The following RBFOX1 variants were observed in gnomAD, a reference collection of about 807,000 sequenced individuals.
The protein encoded by RBFOX1 is RNA binding protein fox-1 homolog 1.
A neutral mutation model predicts 57.7 loss-of-function variants in RBFOX1; 8 were observed. The observed-to-expected ratio is 0.14, with a 90% CI of 0.08 to 0.25. RBFOX1 has a LOEUF of 0.25. RBFOX1 is among the 10% of genes least tolerant of loss of function. The pLI, the probability that RBFOX1 is intolerant of heterozygous loss-of-function variation, is 1.00. For missense variants in RBFOX1, 611 were observed against 548.5 expected (o/e 1.11, Z -1.14); for synonymous variants, 326 against 222.4 (o/e 1.47, Z -4.15).
At chr16:6,419,823 G>A (rs528741988) in intron 2 of RBFOX1, among the ~76,000 whole-genome samples, 6 of 152,136 alleles carry the variant, frequency 3.9e-5, no homozygotes, top group Non-Finnish European at 7.4e-5. Flanking sequence ...CAAGCTGTGC[G>A]GGGTATAGGC....
intron 3 of RBFOX1, among the ~76,000 whole-genome samples, chr16:6,867,288 A>C (rs1010508728): frequency 6.6e-6 from 1 of 151,770 alleles, no homozygotes; most frequent in Non-Finnish European, 1.5e-5. Context: ...TGGAGGAGAG[A>C]TCCATCCATA....
At chr16:6,082,775 C>T (rs893590748) in intron 1 of RBFOX1, among the ~76,000 whole-genome samples, 4 of 152,136 alleles carry the variant, frequency 2.6e-5, no homozygotes, top group Non-Finnish European at 5.9e-5. Flanking sequence ...AGAGAATACC[C>T]TGAGGATATC....
intron 2 of RBFOX1, among the ~76,000 whole-genome samples, chr16:6,407,930 A>G (rs981749366): frequency 2.3e-4 from 35 of 152,152 alleles, no homozygotes; most frequent in Non-Finnish European, 3.8e-4. Context: ...GATTCTCAGC[A>G]CAATAGTATT....
At chr16:5,458,635 G>A (rs779416552) in intron 1 of RBFOX1, among the ~76,000 whole-genome samples, 1 of 152,232 alleles carries the variant, frequency 6.6e-6, no homozygotes, top group Non-Finnish European at 1.5e-5. Context: ...ACCCTCTACT[G>A]CTCTTGAAGG....
intron 4 of RBFOX1, among the ~76,000 whole-genome samples, chr16:5,929,845 A>C (rs959125641): frequency 2.1e-5 from 3 of 143,386 alleles, no homozygotes; most frequent in African/African-American, 7.6e-5. Flanking sequence ...GAAGGTAAGT[A>C]GGTACAAACA....
intron 3 of RBFOX1, among the ~76,000 whole-genome samples, chr16:5,676,824 T>C (rs1819555725): frequency 6.6e-6 from 1 of 152,054 alleles, no homozygotes; most frequent in South Asian, 2.1e-4. Context: ...ATTGTACCAC[T>C]GTATTCCAGC....
In RBFOX1 at chr16:5,787,355, A is replaced by G. The variant is rs534628498; in HGVS notation, c.319-79948A>G. 1.8e-3 allele frequency among the ~76,000 whole-genome samples: 278 copies of G among 152,292 alleles called. 2 individuals are homozygous for G. The highest frequency in any genetic ancestry group is 6.5e-3 in the African/African-American group (269 of 41,570). On this transcript the variant is annotated intron_variant, in intron 3 of 19. Transcript: ENST00000641259. ...TCACAGTGAATTAGACAGAAGACCA[A>G]TGATGTTTCCTGGCAATGAAGTGAA... is the stretch of plus-strand genomic sequence containing the variant.
chr16:5,999,277 A>G (rs1189367236), intron 4 of RBFOX1, among the ~76,000 whole-genome samples: 1 of 152,156 alleles, frequency 6.6e-6, no homozygotes, highest in Non-Finnish European at 1.5e-5. Context: ...CTGACTGCCT[A>G]GAATTCCCCC....
intron 2 of RBFOX1, among the ~76,000 whole-genome samples, chr16:6,487,760 A>G (rs1459886100): frequency 2.5e-5 from 3 of 120,896 alleles, no homozygotes; most frequent in Non-Finnish European, 5.0e-5. Flanking sequence ...TATATAAAAT[A>G]TTATGCAGTG....
chr16:6,773,918 G>A (rs939915431), intron 3 of RBFOX1: 23 of 983,356 alleles, frequency 2.3e-5, no homozygotes, highest in Non-Finnish European at 2.8e-5. Context: ...TTTGCGTTGC[G>A]GGGGTGTGGA....
At chr16:5,994,821 G>T (rs192159766) in intron 4 of RBFOX1, among the ~76,000 whole-genome samples, 1 of 152,254 alleles carries the variant, frequency 6.6e-6, no homozygotes, top group East Asian at 1.9e-4. Flanking sequence ...CTATATTTCA[G>T]GGCCTAGCAA....
At chr16:5,936,779 A>G (rs1222062838) in intron 4 of RBFOX1, among the ~76,000 whole-genome samples, 2 of 152,152 alleles carry the variant, frequency 1.3e-5, no homozygotes, top group East Asian at 1.9e-4. Context: ...ACAAGGGTCA[A>G]TTGTTTCTGC....
chr16:5,650,498 G>C (rs2049200454), intron 3 of RBFOX1, among the ~76,000 whole-genome samples: 1 of 152,176 alleles, frequency 6.6e-6, no homozygotes, highest in African/African-American at 2.4e-5. Context: ...TATTAAACGG[G>C]AGTGTGATTA....
Position 5,254,968 on chromosome 16 carries a change from A to G in RBFOX1, c.219+14863A>G, listed in dbSNP as rs148419331. ...AGTCTTGATAAGCATCCTCAATGTG[A>G]TGGAGGGATTAAGGAACCCCTGGCT... On this transcript the variant is annotated intron_variant, in intron 1 of 2. Transcript: ENST00000585867. Among the ~76,000 whole-genome samples, 686 of 152,268 alleles carry G rather than the reference A, an allele frequency of 4.5e-3. 7 individuals carry two copies. Among genetic ancestry groups the G allele is most frequent in the African/African-American group, 0.015 (644 of 41,554 alleles).
In RBFOX1 at chr16:5,289,823, CT is replaced by C. The variant is rs369932227; in HGVS notation, c.219+49720del. The stretch of plus-strand genomic sequence containing the variant: ...GCTTTCTTTCTTACACAGTGTGGCA[CT>C]TCTTCAAAAGCTTAAACACAGAGTT... On this transcript the variant is annotated intron_variant, in intron 1 of 2. Transcript: ENST00000585867. 6.2e-3 allele frequency among the ~76,000 whole-genome samples: 938 copies of C among 152,318 alleles called. 9 individuals are homozygous for C. Among genetic ancestry groups the C allele is most frequent in the African/African-American group, 0.022 (896 of 41,564 alleles).
In RBFOX1 at chr16:7,071,974, C is replaced by A. The variant is rs138835505; in HGVS notation, c.27+19876C>A. ...TTTAGATTTGTGATTCCTAATATCTCTTAAGTCTATGAATTCCTCTCAAAA... is the reference window on the plus strand; with the variant it reads ...TTTAGATTTGTGATTCCTAATATCTATTAAGTCTATGAATTCCTCTCAAAA... On this transcript the variant is annotated intron_variant, in intron 4 of 15. Transcript: ENST00000550418. Among the ~76,000 whole-genome samples the A allele has an allele frequency of 5.5e-4, 83 of 152,222 alleles. 1 individual carries two copies. Among genetic ancestry groups the A allele is most frequent in the African/African-American group, 2.0e-3 (82 of 41,520 alleles).
chr16:7,708,153 A>G (rs1318636795), intron 14 of RBFOX1, among the ~76,000 whole-genome samples: 1 of 152,098 alleles, frequency 6.6e-6, no homozygotes, highest in African/African-American at 2.4e-5. Flanking sequence ...AACCTGAGTA[A>G]CATAGCAAGA....
intron 4 of RBFOX1, among the ~76,000 whole-genome samples, chr16:7,170,818 C>T (rs996456132): frequency 7.9e-5 from 12 of 152,182 alleles, no homozygotes; most frequent in African/African-American, 2.9e-4. Context: ...AGAGCTTCCA[C>T]TTAAATCCAG....
At chr16:5,598,938 G>A (rs1441210327) in exon 3 of RBFOX1, 2 of 1,533,426 alleles carry the variant, frequency 1.3e-6, no homozygotes, top group Non-Finnish European at 1.7e-6. Context: ...CCTCCCCGGT[G>A]CCAAGAACAG....
Sources: allele counts gnomAD v4.1 joint callset (sites outside exome capture counted in the v4.1 genomes callset), GRCh38; gene constraint gnomAD v4.1.1; transcripts MANE v1.5; gene names NCBI Gene and HGNC (gene_info 2026-07-23, HGNC 2026-07-21).